Variants in ANO10 observed in about 807,000 individuals in gnomAD.
ANO10 encodes anoctamin 10, also known as anoctamin-10.
A neutral mutation model predicts 74.7 loss-of-function variants in ANO10; 77 were observed. That is an observed-to-expected ratio of 1.03 (90% CI 0.86 to 1.25). The LOEUF (loss-of-function observed/expected upper bound fraction) is 1.25. Ranked by LOEUF, ANO10 falls within the 50% of genes most tolerant of loss-of-function variation. The pLI, the probability that ANO10 is intolerant of heterozygous loss-of-function variation, is 0.00. For missense variants in ANO10, 721 were observed against 778.1 expected, an observed-to-expected ratio of 0.93 and a Z score of 0.87; for synonymous variants, 279 against 284.9, an observed-to-expected ratio of 0.98 and a Z score of 0.21.
chr3:43,411,929 GT>G (rs1236202831), intron 12 of ANO10, among the ~76,000 whole-genome samples: 1 of 151,616 alleles, frequency 6.6e-6, no homozygotes, highest in Non-Finnish European at 1.5e-5. Context: ...CAGTTAAGCT[GT>G]TTGATTTGAG....
intron 11 of ANO10, among the ~76,000 whole-genome samples, chr3:43,437,898 G>A (rs916464262): frequency 1.5e-4 from 23 of 150,786 alleles, no homozygotes; most frequent in Admixed American, 9.2e-4. Flanking sequence ...AAGGAAAAAT[G>A]GCCCAAGCAA....
chr3:43,423,726 G>C (rs2092855326), intron 12 of ANO10, among the ~76,000 whole-genome samples: 1 of 152,104 alleles, frequency 6.6e-6, no homozygotes, highest in Non-Finnish European at 1.5e-5. Flanking sequence ...TTATCAATTG[G>C]AGAGAAATTT....
intron 1 of ANO10, among the ~76,000 whole-genome samples, chr3:43,639,279 C>T (rs1187526321): frequency 6.6e-6 from 1 of 152,210 alleles, no homozygotes; most frequent in African/African-American, 2.4e-5. Context: ...AAGAATTTCA[C>T]ATTTTAAGTC....
intron 7 of ANO10, among the ~76,000 whole-genome samples, chr3:43,567,252 A>T (rs896715114): frequency 6.6e-6 from 1 of 152,126 alleles, no homozygotes; most frequent in African/African-American, 2.4e-5. Context: ...AAGTTGGAAA[A>T]CACTCTGCAG....
chr3:43,479,275 G>C (rs1035485720), intron 11 of ANO10, among the ~76,000 whole-genome samples: 1 of 152,128 alleles, frequency 6.6e-6, no homozygotes, highest in Non-Finnish European at 1.5e-5. Context: ...TGTTATCCCA[G>C]ATGTTCTCTG....
intron 4 of ANO10, among the ~76,000 whole-genome samples, chr3:43,593,863 C>T (rs181152161): frequency 1.3e-5 from 2 of 152,080 alleles, no homozygotes; most frequent in Non-Finnish European, 2.9e-5. Context: ...ATTCAGGAGA[C>T]CCATCTCACA....
intron 7 of ANO10, among the ~76,000 whole-genome samples, chr3:43,567,307 C>T (rs902664713): frequency 3.3e-5 from 5 of 151,078 alleles, no homozygotes; most frequent in East Asian, 1.9e-4. Flanking sequence ...GGCAGGCCAA[C>T]GTTCAGATTC....
rs531230810 is a variant in ANO10 at position 43,477,614 on chromosome 3, A to G, written c.1798-44887T>C. ...AATGCTTCCTTGGATCCTGGACCATAATACTGTACTTGTGGTAAGCTCAGA... is the reference window on the plus strand; with the variant it reads ...AATGCTTCCTTGGATCCTGGACCATGATACTGTACTTGTGGTAAGCTCAGA... On this transcript the variant is annotated intron_variant, in intron 11 of 12. Transcript: ENST00000292246. 2.0e-5 allele frequency among the ~76,000 whole-genome samples: 3 copies of G among 152,328 alleles called. No homozygotes were observed. In the South Asian group the frequency reaches 6.2e-4, roughly 32 times the overall value.
Position 43,451,530 on chromosome 3 carries a change from C to T in ANO10, c.1798-18803G>A, listed in dbSNP as rs867951801. 1.4e-4 allele frequency among the ~76,000 whole-genome samples: 22 copies of T among 152,146 alleles called. 1 individual carries two copies. Among genetic ancestry groups the T allele is most frequent in the Middle Eastern group, 6.8e-3 (2 of 294 alleles). On this transcript the variant is annotated intron_variant, in intron 11 of 12. Coordinates refer to ENST00000292246, the MANE Select transcript of ANO10 (RefSeq NM_018075.5). ...ATCTCAGAGTTTGGTTGCTGGGAAA[C>T]CTGACCTGTGACAGTAATCAATTTT...
chr3:43,480,168 A>T (rs1214563937), intron 11 of ANO10, among the ~76,000 whole-genome samples: 1 of 152,216 alleles, frequency 6.6e-6, no homozygotes, highest in Non-Finnish European at 1.5e-5. Context: ...AGAAAATCTC[A>T]AAATAGACAG....
chr3:43,441,963 A>G (rs975099745), intron 11 of ANO10, among the ~76,000 whole-genome samples: 2 of 152,198 alleles, frequency 1.3e-5, no homozygotes, highest in Non-Finnish European at 2.9e-5. Context: ...TTTCATGATA[A>G]AAACACTCAA....
intron 4 of ANO10, among the ~76,000 whole-genome samples, chr3:43,581,689 G>C (rs946884260): frequency 1.3e-5 from 2 of 152,156 alleles, no homozygotes; most frequent in African/African-American, 2.4e-5. Context: ...AGGAGGCTGA[G>C]GCGGAGTATT....
At chr3:43,411,669 C>T (rs1209393439) in intron 12 of ANO10, among the ~76,000 whole-genome samples, 1 of 152,086 alleles carries the variant, frequency 6.6e-6, no homozygotes, top group African/African-American at 2.4e-5. Flanking sequence ...TGTCATGGTG[C>T]TTACAACAAT....
At chr3:43,480,424 A>T (rs2076224175) in intron 11 of ANO10, among the ~76,000 whole-genome samples, 1 of 152,238 alleles carries the variant, frequency 6.6e-6, no homozygotes, top group African/African-American at 2.4e-5. Flanking sequence ...TAAAGAGAAG[A>T]CTGTGAAAGC....
intron 11 of ANO10, among the ~76,000 whole-genome samples, chr3:43,487,399 T>C (rs1243133578): frequency 5.9e-5 from 9 of 152,130 alleles, no homozygotes; most frequent in Non-Finnish European, 1.0e-4. Context: ...CTCCTTGTAC[T>C]TCTGGTAGAA....
At chr3:43,418,907 T>C (rs1297777588) in intron 12 of ANO10, among the ~76,000 whole-genome samples, 1 of 152,252 alleles carries the variant, frequency 6.6e-6, no homozygotes, top group Non-Finnish European at 1.5e-5. Flanking sequence ...AGCCACGCTC[T>C]TTCATTTACG....
chr3:43,671,041 G>T (rs1025257630), intron 1 of ANO10, among the ~76,000 whole-genome samples: 2 of 151,972 alleles, frequency 1.3e-5, no homozygotes, highest in African/African-American at 4.8e-5. Flanking sequence ...TATAATTGTT[G>T]GTAAGTAATA....
intron 1 of ANO10, among the ~76,000 whole-genome samples, chr3:43,689,010 C>A (rs566636920): frequency 6.6e-6 from 1 of 152,146 alleles, no homozygotes; most frequent in Non-Finnish European, 1.5e-5. Flanking sequence ...AGGCATCTTA[C>A]ATGACTAGAG....
chr3:43,601,166 T>G (rs1192190600), intron 2 of ANO10, among the ~76,000 whole-genome samples: 1 of 152,218 alleles, frequency 6.6e-6, no homozygotes, highest in Non-Finnish European at 1.5e-5. Flanking sequence ...TAATTATTAC[T>G]TAAAAGATTA....
Sources: allele counts gnomAD v4.1 joint callset (sites outside exome capture counted in the v4.1 genomes callset), GRCh38; gene constraint gnomAD v4.1.1; transcripts MANE v1.5; gene names NCBI Gene and HGNC (gene_info 2026-07-23, HGNC 2026-07-21).